The following ADCY3 variants were observed in gnomAD, a reference collection of about 807,000 sequenced individuals.
ADCY3 encodes adenylate cyclase type 3.
Under a neutral mutation model 119.4 loss-of-function variants are expected in ADCY3, and 70 were observed. The ratio of observed to expected loss-of-function variants is 0.59; its 90% CI spans 0.48 to 0.72. ADCY3 has a LOEUF of 0.72. Ranked by LOEUF, ADCY3 falls within the 30% of genes least tolerant of loss-of-function variation. The pLI is 0.00. For missense variants in ADCY3, 1,238 were observed against 1,541.6 expected (o/e 0.80, Z 3.30); for synonymous variants, 672 against 621.4 (o/e 1.08, Z -1.21).
At chr2:24,825,660 TTC>T (rs1325467661) in intron 16 of ADCY3, 1 of 206,188 alleles carries the variant, frequency 4.8e-6, no homozygotes, top group East Asian at 1.5e-4. Context: ...ATCAGCTCCC[TTC>T]TCTTTCTCTT....
chr2:24,909,555 C>CA (rs1250148955), intron 2 of ADCY3, among the ~76,000 whole-genome samples: 1 of 152,136 alleles, frequency 6.6e-6, no homozygotes, highest in Non-Finnish European at 1.5e-5. Context: ...TTCTGAGCCA[C>CA]CATTTCTCTC....
At chr2:24,848,450 C>T (rs1348810830) in intron 3 of ADCY3, among the ~76,000 whole-genome samples, 1 of 152,198 alleles carries the variant, frequency 6.6e-6, no homozygotes, top group East Asian at 1.9e-4. Flanking sequence ...GTTCGGGGCT[C>T]TCAGCTCTGA....
At chr2:24,861,338 C>CT (rs1435555044) in intron 3 of ADCY3, among the ~76,000 whole-genome samples, 4 of 151,752 alleles carry the variant, frequency 2.6e-5, no homozygotes, top group African/African-American at 9.7e-5. Flanking sequence ...AAGGAGGCCC[C>CT]TTTTTTGCAG....
intron 3 of ADCY3, among the ~76,000 whole-genome samples, chr2:24,855,893 C>T (rs1392232986): frequency 1.3e-5 from 2 of 152,196 alleles, no homozygotes; most frequent in Non-Finnish European, 2.9e-5. Flanking sequence ...CCACCCAAGC[C>T]CCCTTCTACT....
chr2:24,826,020 C>T (rs201267425), intron 16 of ADCY3, 25 bp downstream of exon 16: 7 of 1,610,378 alleles, frequency 4.3e-6, no homozygotes, highest in African/African-American at 1.3e-5. Context: ...GGGCACAGAG[C>T]GGGGATCGTG....
chr2:24,875,820 G>C (rs1045675813), intron 2 of ADCY3, among the ~76,000 whole-genome samples: 1 of 152,228 alleles, frequency 6.6e-6, no homozygotes, highest in African/African-American at 2.4e-5. Flanking sequence ...TTTACAGAAG[G>C]AATTGAGATT....
At chr2:24,845,115 T>C (rs1671515460) in intron 3 of ADCY3, among the ~76,000 whole-genome samples, 1 of 152,230 alleles carries the variant, frequency 6.6e-6, no homozygotes, top group Admixed American at 6.5e-5. Flanking sequence ...TAAACCTCTT[T>C]TTCTTCCCAG....
Position 24,831,760 on chromosome 2 carries a change from G to C in ADCY3, c.1968-11C>G. 3 of 1,569,916 alleles carry C rather than the reference G, an allele frequency of 1.9e-6. No homozygotes were observed. The highest frequency in any genetic ancestry group is 2.6e-6 in the Non-Finnish European group (3 of 1,151,938). ...TAGTTTGTCATTAGCCTGTGACAGA[G>C]AGAAGACAATTGGGAGAGGCCAGAG... On this transcript the variant is annotated splice_polypyrimidine_tract_variant and intron_variant, in intron 11 of 21. Transcript: ENST00000679454.
intron 21 of ADCY3, 90 bp downstream of exon 21, chr2:24,820,634 G>A: frequency 6.3e-7 from 1 of 1,574,872 alleles, no homozygotes; most frequent in South Asian, 1.2e-5. Context: ...TCAGGGCCAG[G>A]GTGGGAGGCA....
At position 24,841,735 on chromosome 2, in the gene ADCY3, T is replaced by TCC; in HGVS notation, c.957-70_957-69dup. On this transcript the variant is annotated intron_variant, in intron 4 of 21. Coordinates refer to ENST00000679454, the MANE Select transcript of ADCY3 (RefSeq NM_004036.5). This position sits in a 1 kb window ranked among gnomAD's most constrained non-coding sequence, Gnocchi z 5.8. ...AGGTGTACCCGACCCCACTGCCAGC[T>TCC]CCCTCTCCAACCCACAGGGCAGCCA... 8.1e-7 allele frequency: 1 copy of TCC among 1,238,826 alleles called. No individual in the cohort carries two copies. The highest frequency in any genetic ancestry group is 1.3e-5 in the South Asian group (1 of 79,678). 76.7% of individuals were successfully genotyped at this position (1,238,826 alleles called of 1,614,324 possible).
intron 3 of ADCY3, among the ~76,000 whole-genome samples, chr2:24,871,918 C>T (rs12185544): frequency 1.1e-3 from 163 of 152,326 alleles, no homozygotes; most frequent in South Asian, 2.7e-3. Flanking sequence ...GCAGGGACAG[C>T]GAGGCCTCTC....
In ADCY3 at chr2:24,842,448, TCTGGGAAGAAATGCCCCGATC is replaced by T; in HGVS notation, c.826-85_826-65del. 5.0e-6 allele frequency: 8 copies of T among 1,601,852 alleles called. No homozygotes were observed. The highest frequency in any genetic ancestry group is 6.8e-6 in the Non-Finnish European group (8 of 1,172,202). The stretch of plus-strand genomic sequence containing the variant: ...CCTGCTAGAGGCAAGTTCAGATACT[TCTGGGAAGAAATGCCCCGATC>T]CTGGCAAGAAACGTGAGCAGGGAAC... On this transcript the variant is annotated intron_variant, in intron 3 of 21. Transcript: ENST00000679454. This position sits in a 1 kb window ranked among gnomAD's most constrained non-coding sequence, Gnocchi z 4.9.
chr2:24,856,894 G>A (rs1673060651), intron 3 of ADCY3, among the ~76,000 whole-genome samples: 1 of 152,200 alleles, frequency 6.6e-6, no homozygotes, highest in Non-Finnish European at 1.5e-5. Context: ...GCCAAATGCT[G>A]TAGGAACGTA....
chr2:24,872,844 T>C lies in ADCY3; in HGVS notation c.676-125A>G. 2 of 1,173,524 alleles carry C rather than the reference T, an allele frequency of 1.7e-6. No homozygotes were observed. The highest frequency in any genetic ancestry group is 1.5e-5 in the South Asian group (1 of 66,890). 72.7% of individuals were successfully genotyped at this position (1,173,524 alleles called of 1,614,324 possible). ...CAAAATCAAACCTCAAGTTGCCCAA[T>C]GTCCAGGGAGGGGCCCAGCACAGCC... On this transcript the variant is annotated intron_variant, in intron 2 of 21. Coordinates refer to ENST00000679454, the MANE Select transcript of ADCY3 (RefSeq NM_004036.5). This position sits in a 1 kb window ranked among gnomAD's most constrained non-coding sequence, Gnocchi z 4.4.
intron 2 of ADCY3, among the ~76,000 whole-genome samples, chr2:24,914,433 G>C (rs919754275): frequency 2.0e-5 from 3 of 152,162 alleles, no homozygotes; most frequent in African/African-American, 4.8e-5. Flanking sequence ...AGCACTTTGG[G>C]AGGCTAAGGC....
At chr2:24,840,364 A>G (rs1670854482) in intron 6 of ADCY3, among the ~76,000 whole-genome samples, 2 of 152,230 alleles carry the variant, frequency 1.3e-5, no homozygotes, top group African/African-American at 4.8e-5. Flanking sequence ...AGGCACGTTC[A>G]AGGTGCTGCA....
intron 3 of ADCY3, among the ~76,000 whole-genome samples, chr2:24,849,829 C>G (rs1672090014): frequency 6.6e-6 from 1 of 152,192 alleles, no homozygotes; most frequent in Admixed American, 6.5e-5. Context: ...CTCAGGGCCT[C>G]TGGCAACCGC....
chr2:24,884,032 C>G (rs1158889707), intron 2 of ADCY3, among the ~76,000 whole-genome samples: 1 of 152,170 alleles, frequency 6.6e-6, no homozygotes, highest in Non-Finnish European at 1.5e-5. Flanking sequence ...TTTTTCTCCC[C>G]TTTAGTCCTT....
rs925409651 is a variant in ADCY3, at chr2:24,841,048, C to A, written c.1196+211G>T. On this transcript the variant is annotated intron_variant, in intron 6 of 21. Coordinates refer to ENST00000679454, the MANE Select transcript of ADCY3 (RefSeq NM_004036.5). The surrounding 1 kb of genome is among the most constrained non-coding windows in gnomAD (Gnocchi z 5.8). ...TGCCCCACAGGCTGGGGGAGCCTCG[C>A]AGGTCCCCTGGGCTGTGAGGAAGGT... Among the ~76,000 whole-genome samples the A allele has an allele frequency of 6.6e-6, 1 of 152,230 alleles. No homozygotes were observed. Among genetic ancestry groups the A allele is most frequent in the African/African-American group, 2.4e-5 (1 of 41,454 alleles).
Sources: gnomAD v4.1 joint callset for allele counts (sites outside exome capture counted in the v4.1 genomes callset) on GRCh38, gnomAD v4.1.1 for gene constraint, Gnocchi (gnomAD v3.1) non-coding constraint, MANE v1.5 for transcripts, NCBI Gene and HGNC (gene_info 2026-07-23, HGNC 2026-07-21) for gene names.